The following SGCD variants were observed in gnomAD, a reference collection of about 807,000 sequenced individuals.
SGCD encodes delta-sarcoglycan.
SGCD carries 18 observed loss-of-function variants against 36.6 expected under a neutral mutation model. That is an observed-to-expected ratio of 0.49 (90% confidence interval 0.34 to 0.73). The LOEUF (loss-of-function observed/expected upper bound fraction) is 0.73. Among genes scored for constraint, SGCD ranks in the 30% least tolerant of loss-of-function variants. The pLI is 0.01. For synonymous variants in SGCD, 133 were observed against 130.6 expected (o/e 1.02, Z -0.12); for missense variants, 387 against 346.7 (o/e 1.12, Z -0.92).
At chr5:156,357,470 G>A (rs760593519) in intron 3 of SGCD, among the ~76,000 whole-genome samples, 2 of 152,176 alleles carry the variant, frequency 1.3e-5, no homozygotes, top group Non-Finnish European at 2.9e-5. Context: ...AGTGGCAATG[G>A]TGGTCATTGT....
chr5:156,494,450 G>A lies in SGCD; in HGVS notation c.193-14151G>A, dbSNP rs185354780. 7.1e-3 allele frequency among the ~76,000 whole-genome samples: 1,076 copies of A among 150,700 alleles called. 3 individuals carry two copies. Among genetic ancestry groups the A allele is most frequent in the Non-Finnish European group, 7.8e-3 (528 of 67,718 alleles). On this transcript the variant is annotated intron_variant, in intron 3 of 8. Coordinates refer to ENST00000337851, the MANE Select transcript of SGCD (RefSeq NM_000337.6). ...TGGATTTTGCTAGGCAAAGGAAGGA[G>A]GGAATAAATTCCAAAAAAAAATTAT... is the stretch of plus-strand genomic sequence containing the variant.
intron 6 of SGCD, among the ~76,000 whole-genome samples, chr5:156,638,219 C>G (rs923193068): frequency 6.6e-6 from 1 of 151,886 alleles, no homozygotes; most frequent in Non-Finnish European, 1.5e-5. Flanking sequence ...GAACTGAAAT[C>G]TCCACTGAGG....
chr5:156,577,506 C>T (rs997316505), intron 4 of SGCD, among the ~76,000 whole-genome samples: 3 of 152,174 alleles, frequency 2.0e-5, no homozygotes, highest in African/African-American at 4.8e-5. Flanking sequence ...CTACCTTGGG[C>T]AGTATGGCCA....
intron 3 of SGCD, among the ~76,000 whole-genome samples, chr5:156,438,581 C>T (rs1463780554): frequency 1.3e-5 from 2 of 152,134 alleles, no homozygotes; most frequent in African/African-American, 4.8e-5. Flanking sequence ...TTAGCTCCTC[C>T]AGCTCATGCT....
At chr5:155,870,347 A>G (rs528117886) in exon 1 of SGCD, 1 of 152,152 alleles carries the variant, frequency 6.6e-6, no homozygotes, top group Non-Finnish European at 1.5e-5. Context: ...TTCATAGGTG[A>G]TATCTATTGA....
At chr5:156,578,384 T>C (rs1760076066) in intron 4 of SGCD, among the ~76,000 whole-genome samples, 1 of 152,220 alleles carries the variant, frequency 6.6e-6, no homozygotes, top group Non-Finnish European at 1.5e-5. Flanking sequence ...CTTTTTTTTG[T>C]AGTGTCTCTG....
intron 3 of SGCD, among the ~76,000 whole-genome samples, chr5:156,477,548 T>C (rs1446079908): frequency 6.6e-6 from 1 of 152,186 alleles, no homozygotes; most frequent in Non-Finnish European, 1.5e-5. Context: ...AGCAGTGTTC[T>C]CTGCACTTGG....
intron 1 of SGCD, among the ~76,000 whole-genome samples, chr5:155,919,438 G>A (rs182654996): frequency 6.6e-6 from 1 of 152,152 alleles, no homozygotes; most frequent in Non-Finnish European, 1.5e-5. Flanking sequence ...AGTCATTCTA[G>A]TTCAGTCTTC....
intron 3 of SGCD, among the ~76,000 whole-genome samples, chr5:156,365,006 C>A (rs1227666331): frequency 2.0e-5 from 3 of 152,198 alleles, no homozygotes; most frequent in African/African-American, 7.2e-5. Context: ...TTATCTCTAA[C>A]ACTGTACACT....
the SGCD span, among the ~76,000 whole-genome samples, chr5:155,838,487 A>T: frequency 6.6e-5 from 10 of 152,110 alleles, no homozygotes; most frequent in African/African-American, 2.2e-4. Context: ...GTGTCATTTA[A>T]TATGTTCCTC....
chr5:156,435,440 T>C (rs1330630507), intron 3 of SGCD, among the ~76,000 whole-genome samples: 3 of 152,216 alleles, frequency 2.0e-5, no homozygotes, highest in Non-Finnish European at 4.4e-5. Flanking sequence ...AATCTGTCTG[T>C]ACTTGTAATT....
chr5:156,202,067 C>T (rs1346506727), intron 3 of SGCD, among the ~76,000 whole-genome samples: 1 of 152,072 alleles, frequency 6.6e-6, no homozygotes, highest in African/African-American at 2.4e-5. Flanking sequence ...TTAAGTCATT[C>T]CCAGAACTCT....
chr5:156,691,156 G>A lies in SGCD; in HGVS notation c.575+43620G>A, dbSNP rs1044811203. ...TAGGAAGTGGAGGTTGCAGTGAGCC[G>A]AGATTGTGCCACTGCACTCCAGTCT... On this transcript the variant is annotated intron_variant, in intron 7 of 8. Transcript: ENST00000337851. 6.7e-5 allele frequency among the ~76,000 whole-genome samples: 9 copies of A among 134,916 alleles called. No homozygotes were observed. In the South Asian group the frequency reaches 7.1e-4, roughly 11 times the overall value. The allele number at this position is 134,916 out of a possible 152,430, so 88.5% of individuals were successfully genotyped here.
intron 3 of SGCD, among the ~76,000 whole-genome samples, chr5:156,365,612 A>T (rs545979935): frequency 6.6e-6 from 1 of 152,210 alleles, no homozygotes; most frequent in African/African-American, 2.4e-5. Context: ...GCATACATGT[A>T]TGTATACACA....
chr5:156,075,191 A>C (rs1760735518), intron 1 of SGCD, among the ~76,000 whole-genome samples: 1 of 145,010 alleles, frequency 6.9e-6, no homozygotes, highest in South Asian at 2.1e-4. Context: ...AGTCAAATTT[A>C]CAAAAAAAAA....
At chr5:156,564,357 G>A (rs1367035899) in intron 4 of SGCD, among the ~76,000 whole-genome samples, 1 of 152,172 alleles carries the variant, frequency 6.6e-6, no homozygotes, top group Non-Finnish European at 1.5e-5. Flanking sequence ...GGCTGAGGCA[G>A]GAGAATGGCA....
In SGCD at chr5:156,589,221, C is replaced by G. The variant is rs1334538970; in HGVS notation, c.295-10C>G. The G allele has an allele frequency of 1.4e-5, 21 of 1,523,494 alleles. 1 individual carries two copies. In the South Asian group the frequency reaches 2.5e-4, roughly 18 times the overall value. The allele number at this position is 1,523,494 out of a possible 1,614,324, so 94.4% of individuals were successfully genotyped here. On this transcript the variant is annotated splice_polypyrimidine_tract_variant and intron_variant, in intron 4 of 8. Transcript: ENST00000337851. ...CATTTTCATGTCTTTCTCTTATTTT[C>G]TTATTGCAGGGTAATGCCCTGTACT...
intron 1 of SGCD, among the ~76,000 whole-genome samples, chr5:156,095,061 C>T (rs1374003578): frequency 6.6e-6 from 1 of 152,100 alleles, no homozygotes; most frequent in Admixed American, 6.6e-5. Flanking sequence ...ACTGTCTGAC[C>T]TTGTTAAAAC....
intron 3 of SGCD, among the ~76,000 whole-genome samples, chr5:156,410,489 C>A (rs1391780100): frequency 3.3e-5 from 5 of 152,194 alleles, no homozygotes; most frequent in Admixed American, 1.3e-4. Flanking sequence ...ACCCATGTAA[C>A]AAACCTGCAC....
Sources: gnomAD v4.1 joint callset for allele counts (sites outside exome capture counted in the v4.1 genomes callset) on GRCh38, gnomAD v4.1.1 for gene constraint, MANE v1.5 for transcripts, NCBI Gene and HGNC (gene_info 2026-07-23, HGNC 2026-07-21) for gene names.